TVP23C: variants seen among roughly 807,000 people sequenced by gnomAD.
TVP23C encodes the protein trans-golgi network vesicle protein 23 homolog C, also known as Golgi apparatus membrane protein TVP23 homolog C.
In TVP23C, 19 loss-of-function variants were observed where a neutral mutation model predicts 28.7. The ratio of observed to expected loss-of-function variants is 0.66; its 90% CI spans 0.46 to 0.97. The LOEUF is 0.97. Among genes scored for constraint, TVP23C ranks in the 50% least tolerant of loss-of-function variants. TVP23C has a pLI of 0.00. For missense variants in TVP23C, 186 were observed against 241.3 expected (o/e 0.77, Z 1.52); for synonymous variants, 68 against 81.7 (o/e 0.83, Z 0.90).
At chr17:15,503,037 G>C (rs758428926) in exon 6 of TVP23C, 8 of 1,613,986 alleles carry the variant, frequency 5.0e-6, no homozygotes, top group Middle Eastern at 3.3e-4. Context: ...GAACTAAGGC[G>C]GGGCGCAGGT....
At chr17:15,527,916 G>A (rs570757949) in intron 5 of TVP23C, among the ~76,000 whole-genome samples, 1 of 152,246 alleles carries the variant, frequency 6.6e-6, no homozygotes, top group African/African-American at 2.4e-5. Flanking sequence ...TAGGTGTAAA[G>A]TGATGTATAT....
At position 15,545,709 on chromosome 17, in the gene TVP23C, A is replaced by C. The variant is rs2150852689; in HGVS notation, c.462+76T>G. 5.8e-6 allele frequency: 9 copies of C among 1,540,498 alleles called. No individual in the cohort carries two copies. The South Asian group carries it at 1.2e-4, about 20-fold the overall frequency. ...GATAGGTCCCTAATGATAAGGACTC[A>C]GTTGCAGTTGTTGCTTCCTATGATT... On this transcript the variant is annotated intron_variant, in intron 5 of 5. Transcript: ENST00000518321.
At chr17:15,527,098 C>A (rs973143363) in intron 5 of TVP23C, among the ~76,000 whole-genome samples, 41 of 152,144 alleles carry the variant, frequency 2.7e-4, no homozygotes, top group African/African-American at 9.7e-4. Flanking sequence ...GAGATAATAG[C>A]CACATCTCCG....
chr17:15,517,436 A>C (rs1216899152), intron 5 of TVP23C, among the ~76,000 whole-genome samples: 1 of 152,178 alleles, frequency 6.6e-6, no homozygotes, highest in Non-Finnish European at 1.5e-5. Context: ...TCTTGTCTTT[A>C]CCAAGTATTA....
intron 5 of TVP23C, among the ~76,000 whole-genome samples, chr17:15,511,536 T>C (rs1982003723): frequency 6.6e-6 from 1 of 152,188 alleles, no homozygotes; most frequent in South Asian, 2.1e-4. Context: ...ACTAGTAGAG[T>C]TTCTGGGAGC....
At chr17:15,551,819 T>G (rs1983905501) in intron 3 of TVP23C, among the ~76,000 whole-genome samples, 2 of 152,200 alleles carry the variant, frequency 1.3e-5, no homozygotes, top group South Asian at 4.1e-4. Flanking sequence ...TTTTTGTTTT[T>G]TTAGTAAGTA....
chr17:15,518,607 A>G (rs192248516), intron 5 of TVP23C, among the ~76,000 whole-genome samples: 3 of 152,218 alleles, frequency 2.0e-5, no homozygotes, highest in Admixed American at 2.0e-4. Context: ...ACAAACAGAC[A>G]GTGTCTGTGC....
At chr17:15,534,336 A>C (rs1237571610), downstream of TVP23C, among the ~76,000 whole-genome samples, 1 of 152,238 alleles carries the variant, frequency 6.6e-6, no homozygotes, top group Non-Finnish European at 1.5e-5. Context: ...ATGTAGAACA[A>C]ATGGAACGTT....
At position 15,540,292 on chromosome 17, in the gene TVP23C, G is replaced by A; in HGVS notation, c.*120C>T. On this transcript the variant is annotated 3_prime_UTR_variant, in exon 6 of 6. Transcript: ENST00000518321. ...CCAGACTGTCTTGAACACCCCCAAAGAGCAATTACAACATCTTTATCATTA... is the reference window on the plus strand; with the variant it reads ...CCAGACTGTCTTGAACACCCCCAAAAAGCAATTACAACATCTTTATCATTA... The A allele has an allele frequency of 7.3e-7, 1 of 1,367,930 alleles. No homozygotes were observed. Among genetic ancestry groups the A allele is most frequent in the South Asian group, 1.6e-5 (1 of 63,020 alleles). The allele number at this position is 1,367,930 out of a possible 1,614,324, so 84.7% of individuals were successfully genotyped here. A position where few individuals can be genotyped will look rare whatever the true frequency, so the allele number is the denominator to read the frequency against.
chr17:15,503,127 G>A (rs777680430), exon 6 of TVP23C: 2 of 1,611,392 alleles, frequency 1.2e-6, no homozygotes, highest in Middle Eastern at 1.6e-4. Context: ...GGATGGCCCG[G>A]GCAGCGGCTC....
intron 5 of TVP23C, among the ~76,000 whole-genome samples, chr17:15,515,042 T>C (rs1265517222): frequency 6.6e-6 from 1 of 152,114 alleles, no homozygotes; most frequent in Non-Finnish European, 1.5e-5. Flanking sequence ...CAGGATTGTC[T>C]TTGGGGTACC....
intron 5 of TVP23C, among the ~76,000 whole-genome samples, chr17:15,524,063 G>GGGGTGTGTGTGTGTGT (rs1216462843): frequency 7.3e-6 from 1 of 136,262 alleles, no homozygotes; most frequent in African/African-American, 2.8e-5. Flanking sequence ...AGCAGAGTGG[G>GGGGTGTGTGTGTGTGT]GTGTGTGTGT....
At chr17:15,555,241 A>G in intron 2 of TVP23C, 41 bp downstream of exon 2, 2 of 1,613,864 alleles carry the variant, frequency 1.2e-6, no homozygotes, top group Non-Finnish European at 1.7e-6. Context: ...ATACAGAACA[A>G]CACTGGACAC....
At chr17:15,514,134 A>G (rs1186849342) in intron 5 of TVP23C, among the ~76,000 whole-genome samples, 1 of 152,236 alleles carries the variant, frequency 6.6e-6, no homozygotes, top group Non-Finnish European at 1.5e-5. Flanking sequence ...TTCAAGGTGA[A>G]TATGGCCCAT....
At chr17:15,509,661 AG>A (rs1340074229) in intron 5 of TVP23C, among the ~76,000 whole-genome samples, 1 of 152,224 alleles carries the variant, frequency 6.6e-6, no homozygotes, top group Non-Finnish European at 1.5e-5. Flanking sequence ...TAAGAGATGG[AG>A]GTTGCAGTGA....
chr17:15,520,429 C>A (rs562146801), intron 5 of TVP23C, among the ~76,000 whole-genome samples: 2 of 144,642 alleles, frequency 1.4e-5, no homozygotes, highest in South Asian at 4.6e-4. Flanking sequence ...GGATTTTAGG[C>A]TCTATTTAGA....
At chr17:15,557,838 G>A (rs9908687) in intron 1 of TVP23C, among the ~76,000 whole-genome samples, 3,398 of 138,620 alleles carry the variant, frequency 0.025, 188 homozygotes, top group South Asian at 0.046. Context: ...CTGACAGTCC[G>A]CGTAGGCCTC....
At chr17:15,519,524 A>C (rs1982381142) in intron 5 of TVP23C, among the ~76,000 whole-genome samples, 1 of 151,910 alleles carries the variant, frequency 6.6e-6, no homozygotes, top group Admixed American at 6.6e-5. Flanking sequence ...CGTGTTAAGC[A>C]TGGGGAAAAT....
chr17:15,525,699 C>T (rs560729971), intron 5 of TVP23C, among the ~76,000 whole-genome samples: 5 of 152,178 alleles, frequency 3.3e-5, no homozygotes, highest in Admixed American at 1.3e-4. Flanking sequence ...TGTGCATGCA[C>T]GCGTGTGCAT....
Sources: gnomAD v4.1 joint callset for allele counts (sites outside exome capture counted in the v4.1 genomes callset) on GRCh38, gnomAD v4.1.1 for gene constraint, MANE v1.5 for transcripts, NCBI Gene and HGNC (gene_info 2026-07-23, HGNC 2026-07-21) for gene names.